Variants in RAB2A observed in about 807,000 individuals in gnomAD.
RAB2A encodes RAB2A, member RAS oncogene family, also known as ras-related protein Rab-2A.
RAB2A carries 7 observed loss-of-function variants against 32.5 expected under a neutral mutation model. The observed-to-expected ratio is 0.22, with a 90% confidence interval of 0.12 to 0.40. The LOEUF is 0.40. RAB2A is among the 10% of genes least tolerant of loss of function. The probability of loss-of-function intolerance (pLI) is 1.00; values close to 1 mark genes in which losing one functional copy is unlikely to be tolerated. For synonymous variants in RAB2A, 79 were observed against 85.2 expected (o/e 0.93, Z 0.40); for missense variants, 108 against 260.7 (o/e 0.41, Z 4.03).
Position 60,618,581 on chromosome 8 carries a change from C to A in RAB2A, c.476C>A (p.Ala159Glu). Reference sequence around the variant, plus strand: ...TGAACCAATTTCTCTATATTTCAGGCATTTATTAATACAGCAAAAGAAATT... The same window carrying A: ...TGAACCAATTTCTCTATATTTCAGGAATTTATTAATACAGCAAAAGAAATT... ...SAKTASNVEE[A>E]FINTAKEIYE... The change falls in exon 7 of 8, where the codon GCA (alanine) becomes GAA (glutamate). Residue 159 changes from alanine (A) to glutamate (E), a missense_variant and splice_region_variant. Coordinates refer to ENST00000262646, the MANE Select transcript of RAB2A (RefSeq NM_002865.3). The A allele has an allele frequency of 8.2e-7, 1 of 1,221,426 alleles. No homozygotes were observed. The highest frequency in any genetic ancestry group is 1.7e-5 in the South Asian group (1 of 57,908). The allele number at this position is 1,221,426 out of a possible 1,614,324, so 75.7% of individuals were successfully genotyped here.
chr8:60,579,235 G>T (rs1290414453), intron 3 of RAB2A, among the ~76,000 whole-genome samples: 1 of 152,126 alleles, frequency 6.6e-6, no homozygotes, highest in East Asian at 1.9e-4. Flanking sequence ...TAGAGACGGG[G>T]TTTCACCATG....
intron 5 of RAB2A, among the ~76,000 whole-genome samples, chr8:60,587,992 A>G (rs958398827): frequency 2.6e-5 from 4 of 152,228 alleles, no homozygotes; most frequent in South Asian, 2.1e-4. Flanking sequence ...AAATGATACA[A>G]TCACTTTGGA....
intron 3 of RAB2A, among the ~76,000 whole-genome samples, chr8:60,572,421 G>A (rs1032732470): frequency 6.6e-6 from 1 of 152,108 alleles, no homozygotes; most frequent in South Asian, 2.1e-4. Context: ...GTACACATAG[G>A]AAGTAAAATA....
chr8:60,619,552 G>C (rs1375219940), intron 7 of RAB2A, among the ~76,000 whole-genome samples: 3 of 152,136 alleles, frequency 2.0e-5, no homozygotes, highest in Non-Finnish European at 2.9e-5. Context: ...TTTCCAAAAA[G>C]TACATGATTT....
At chr8:60,569,154 C>G (rs370480041) in intron 2 of RAB2A, among the ~76,000 whole-genome samples, 70 of 152,266 alleles carry the variant, frequency 4.6e-4, no homozygotes, top group East Asian at 4.4e-3. Context: ...GATAGGAAAA[C>G]AGAAATCATA....
At chr8:60,542,670 C>T (rs1465563519) in intron 1 of RAB2A, among the ~76,000 whole-genome samples, 5 of 151,972 alleles carry the variant, frequency 3.3e-5, no homozygotes, top group African/African-American at 9.7e-5. Context: ...ATTGGGGGTA[C>T]TTTAATATTG....
At chr8:60,524,755 T>G (rs1219668850) in intron 1 of RAB2A, among the ~76,000 whole-genome samples, 1 of 152,222 alleles carries the variant, frequency 6.6e-6, no homozygotes, top group Non-Finnish European at 1.5e-5. Context: ...AAAAGTATTG[T>G]TTGTATTGAT....
intron 1 of RAB2A, among the ~76,000 whole-genome samples, chr8:60,549,084 C>T (rs1242985735): frequency 1.9e-4 from 29 of 151,288 alleles, no homozygotes; most frequent in Non-Finnish European, 3.1e-4. Flanking sequence ...GATGTGATGG[C>T]GGCCGGGAAG....
chr8:60,567,662 C>G (rs958465006), intron 2 of RAB2A, among the ~76,000 whole-genome samples: 3 of 141,396 alleles, frequency 2.1e-5, no homozygotes, highest in African/African-American at 3.1e-5. Context: ...TTCAGACTTT[C>G]TTAAATGCTG....
intron 1 of RAB2A, among the ~76,000 whole-genome samples, chr8:60,543,436 C>G (rs1230180872): frequency 1.3e-5 from 2 of 152,060 alleles, no homozygotes; most frequent in Non-Finnish European, 2.9e-5. Flanking sequence ...CTCTCTATCC[C>G]TGTCTTCATT....
chr8:60,546,891 CTTTTTTTTTTTT>C (rs6150606), intron 1 of RAB2A, among the ~76,000 whole-genome samples: 16,863 of 99,248 alleles, frequency 0.17, 1,411 homozygotes, highest in East Asian at 0.35. Context: ...TTTTTTGGGT[CTTTTTTTTTTTT>C]TTTTTTTTTT....
chr8:60,586,476 A>G (rs1248470354), intron 5 of RAB2A, among the ~76,000 whole-genome samples: 2 of 152,124 alleles, frequency 1.3e-5, no homozygotes, highest in African/African-American at 4.8e-5. Flanking sequence ...AAAGACAAAC[A>G]TTAGCAATAT....
chr8:60,599,415 T>A (rs973862612), intron 6 of RAB2A, among the ~76,000 whole-genome samples: 2 of 152,156 alleles, frequency 1.3e-5, no homozygotes, highest in Non-Finnish European at 2.9e-5. Flanking sequence ...GTACAATGTT[T>A]TGTAGATATA....
At chr8:60,521,542 T>A (rs925626771) in intron 1 of RAB2A, among the ~76,000 whole-genome samples, 11 of 152,232 alleles carry the variant, frequency 7.2e-5, no homozygotes, top group Non-Finnish European at 1.5e-4. Context: ...TCCTCCTGAT[T>A]GGCGTAGGGG....
chr8:60,533,217 C>G (rs1441583188), intron 1 of RAB2A, among the ~76,000 whole-genome samples: 1 of 152,098 alleles, frequency 6.6e-6, no homozygotes, highest in Non-Finnish European at 1.5e-5. Context: ...AAATGTGATG[C>G]TAGATTAGTG....
At chr8:60,545,403 C>T (rs2130820077) in intron 1 of RAB2A, among the ~76,000 whole-genome samples, 1 of 152,174 alleles carries the variant, frequency 6.6e-6, no homozygotes, top group African/African-American at 2.4e-5. Context: ...AGGTGATCCT[C>T]CCTCCTCATC....
rs546267035 is a variant in RAB2A, at chr8:60,617,504, C to T, written c.475-1076C>T. 2.0e-4 allele frequency among the ~76,000 whole-genome samples: 30 copies of T among 152,170 alleles called. 1 individual carries two copies. The Middle Eastern group carries it at 0.01, about 52-fold the overall frequency. On this transcript the variant is annotated intron_variant, in intron 6 of 7. Transcript: ENST00000262646. The stretch of plus-strand genomic sequence containing the variant: ...TTTCTCTGTGTGCTGTTCTCATATT[C>T]CAATATTCTTTTTTCCTCTCATGGT...
intron 1 of RAB2A, among the ~76,000 whole-genome samples, chr8:60,526,179 C>T (rs1807385638): frequency 6.6e-6 from 1 of 151,956 alleles, no homozygotes; most frequent in Non-Finnish European, 1.5e-5. Context: ...CAGGTTTCAA[C>T]AGGACTGGGT....
intron 1 of RAB2A, among the ~76,000 whole-genome samples, chr8:60,545,718 G>A (rs1342158530): frequency 6.6e-6 from 1 of 152,180 alleles, no homozygotes; most frequent in Non-Finnish European, 1.5e-5. Context: ...TAAGGTATTG[G>A]TAGCAACTCT....
Sources: gnomAD v4.1 joint callset for allele counts (sites outside exome capture counted in the v4.1 genomes callset) on GRCh38, gnomAD v4.1.1 for gene constraint, MANE v1.5 for transcripts, NCBI Gene and HGNC (gene_info 2026-07-23, HGNC 2026-07-21) for gene names.